The following FLYWCH2 variants were observed in gnomAD, a reference collection of about 807,000 sequenced individuals.
FLYWCH2 encodes FLYWCH family member 2.
FLYWCH2 carries 2 observed loss-of-function variants against 6.0 expected under a neutral mutation model. That is an observed-to-expected ratio of 0.33 (90% CI 0.14 to 1.04). The LOEUF is 1.04. Among genes scored for constraint, FLYWCH2 ranks in the 50% least tolerant of loss-of-function variants. The pLI is 0.45. For synonymous variants in FLYWCH2, 87 were observed against 79.3 expected, an observed-to-expected ratio of 1.10 and a Z score of -0.52; for missense variants, 192 against 183.4, an observed-to-expected ratio of 1.05 and a Z score of -0.27.
At chr16:2,888,249 A>G (rs946051571) in intron 1 of FLYWCH2, among the ~76,000 whole-genome samples, 7 of 151,952 alleles carry the variant, frequency 4.6e-5, no homozygotes, top group African/African-American at 1.7e-4. Flanking sequence ...AGTTCAGGCA[A>G]TCCACCCACC....
rs1063677 is a variant in FLYWCH2 at position 2,895,247 on chromosome 16, G to C, written c.-172G>C. 81,877 of 152,194 alleles carry C rather than the reference G, an allele frequency of 0.54. 22,563 individuals are homozygous for C. Among genetic ancestry groups the C allele is most frequent in the African/African-American group, 0.6 (24,856 of 41,492 alleles). 9.4% of individuals were successfully genotyped at this position (152,194 alleles called of 1,614,324 possible). ...CAGAAGCCAAGGAGTCCTCAGTGAC[G>C]GTGGGATCCACAACATCTCCACATC... On this transcript the variant is annotated 5_prime_UTR_variant, in exon 2 of 4. Coordinates refer to ENST00000396958, the MANE Select transcript of FLYWCH2 (RefSeq NM_138439.3).
chr16:2,896,447 G>C lies in FLYWCH2; in HGVS notation c.-3G>C, dbSNP rs771245046. 1 of 1,608,600 alleles carries C rather than the reference G, an allele frequency of 6.2e-7. No individual in the cohort carries two copies. The highest frequency in any genetic ancestry group is 8.5e-7 in the Non-Finnish European group (1 of 1,177,220). ...GCCTGAGGGACAGGCCCTGGGTCCC[G>C]GGATGCCCCTGCCCGAGCCCAGCGA... On this transcript the variant is annotated 5_prime_UTR_variant, in exon 3 of 4. Coordinates refer to ENST00000396958, the MANE Select transcript of FLYWCH2 (RefSeq NM_138439.3).
In FLYWCH2 at chr16:2,895,201, A is replaced by G. The variant is rs2069804791; in HGVS notation, c.-199-19A>G. On this transcript the variant is annotated intron_variant, in intron 1 of 3. Coordinates refer to ENST00000396958, the MANE Select transcript of FLYWCH2 (RefSeq NM_138439.3). Reference sequence around the variant, plus strand: ...ACTTGCCCCTACAGGGTTACAACCCATCCTTTCTGCTTCTCCAGGCCAGAA... The same window carrying G: ...ACTTGCCCCTACAGGGTTACAACCCGTCCTTTCTGCTTCTCCAGGCCAGAA... 1 of 152,272 alleles carries G rather than the reference A, an allele frequency of 6.6e-6. No individual in the cohort carries two copies. Among genetic ancestry groups the G allele is most frequent in the Non-Finnish European group, 1.5e-5 (1 of 68,144 alleles). The allele number at this position is 152,272 out of a possible 1,614,324, so 9.4% of individuals were successfully genotyped here.
rs1423831458 is a variant in FLYWCH2 at position 2,883,367 on chromosome 16, G to C, written c.-200+1G>C. The C allele has an allele frequency of 1.3e-5, 2 of 152,312 alleles. No homozygotes were observed. The highest frequency in any genetic ancestry group is 2.4e-5 in the African/African-American group (1 of 41,474). The allele number at this position is 152,312 out of a possible 1,614,324, so 9.4% of individuals were successfully genotyped here. A position where few individuals can be genotyped will look rare whatever the true frequency, so the allele number is the denominator to read the frequency against. ...GAGAGGGAGGGCACCGCTGTCGTCG[G>C]TGAGGACGGGCCCTGGCGGGCGGGG... On this transcript the variant is annotated splice_donor_variant, in intron 1 of 3. Transcript: ENST00000396958. LOFTEE classifies it low-confidence loss of function (5UTR_SPLICE).
Position 2,899,205 on chromosome 16 carries a change from G to A in FLYWCH2, c.*56G>A, listed in dbSNP as rs1209957961. 4.6e-6 allele frequency: 6 copies of A among 1,305,126 alleles called. No individual in the cohort carries two copies. The highest frequency in any genetic ancestry group is 6.4e-6 in the Non-Finnish European group (6 of 942,014). The allele number at this position is 1,305,126 out of a possible 1,614,324, so 80.8% of individuals were successfully genotyped here. On this transcript the variant is annotated 3_prime_UTR_variant, in exon 4 of 4. Coordinates refer to ENST00000396958, the MANE Select transcript of FLYWCH2 (RefSeq NM_138439.3). ...CCAACCCAGCCATAGGCTCTTCTCTGTCCGCAGGGCTTCTGGGGCCAAATG... is the reference window on the plus strand; with the variant it reads ...CCAACCCAGCCATAGGCTCTTCTCTATCCGCAGGGCTTCTGGGGCCAAATG...
At chr16:2,889,050 A>G (rs1417910034) in intron 1 of FLYWCH2, among the ~76,000 whole-genome samples, 2 of 152,040 alleles carry the variant, frequency 1.3e-5, no homozygotes, top group Non-Finnish European at 2.9e-5. Flanking sequence ...GTTTTTCCAG[A>G]ACGCATAAAA....
chr16:2,898,069 C>T (rs752217914), intron 3 of FLYWCH2, among the ~76,000 whole-genome samples: 2 of 152,178 alleles, frequency 1.3e-5, no homozygotes, highest in Non-Finnish European at 2.9e-5. Context: ...GCTGGCCGTG[C>T]AGGGACCCTG....
At chr16:2,897,203 A>G (rs1211723990) in intron 3 of FLYWCH2, among the ~76,000 whole-genome samples, 1 of 152,088 alleles carries the variant, frequency 6.6e-6, no homozygotes, top group Non-Finnish European at 1.5e-5. Flanking sequence ...AGTAACATCC[A>G]CTGAACAGCA....
At chr16:2,893,634 CTT>C (rs35147234) in intron 1 of FLYWCH2, among the ~76,000 whole-genome samples, 13,554 of 112,162 alleles carry the variant, frequency 0.12, 590 homozygotes, top group African/African-American at 0.17. Context: ...TTCTTTTCTT[CTT>C]TTTTTTTTTT....
intron 1 of FLYWCH2, among the ~76,000 whole-genome samples, chr16:2,886,392 G>C (rs1203628041): frequency 1.3e-5 from 2 of 151,148 alleles, no homozygotes; most frequent in African/African-American, 4.9e-5. Context: ...ATTTTTAGTA[G>C]AGACAGGGTT....
rs767512720 is a variant in FLYWCH2, at chr16:2,896,482, T to C, written c.33T>C (p.Gly11=). 1.1e-5 allele frequency: 17 copies of C among 1,613,108 alleles called. No homozygotes were observed. In the South Asian group the frequency reaches 1.6e-4, roughly 16 times the overall value. The part of the protein sequence containing the change: MPLPEPSEQE[G]ESVKASQEPS... ...TGCCCGAGCCCAGCGAGCAGGAGGG[T>C]GAGAGTGTGAAGGCCAGCCAGGAGC... Residue 11 remains glycine, a synonymous_variant, in exon 3 of 4, where the codon GGT becomes GGC. Coordinates refer to ENST00000396958, the MANE Select transcript of FLYWCH2 (RefSeq NM_138439.3).
chr16:2,889,503 C>A (rs2067112697), intron 1 of FLYWCH2, among the ~76,000 whole-genome samples: 1 of 151,488 alleles, frequency 6.6e-6, no homozygotes, highest in Admixed American at 6.6e-5. Flanking sequence ...AGCCACTGCG[C>A]CCGGCCAACC....
intron 1 of FLYWCH2, among the ~76,000 whole-genome samples, chr16:2,884,302 C>T (rs954426200): frequency 6.6e-5 from 10 of 152,004 alleles, no homozygotes; most frequent in African/African-American, 9.7e-5. Flanking sequence ...CTCCCCCGTG[C>T]GTATGAAGAT....
At chr16:2,896,859 C>T (rs749214370) in intron 3 of FLYWCH2, 88 bp downstream of exon 3, 8 of 1,248,448 alleles carry the variant, frequency 6.4e-6, no homozygotes, top group African/African-American at 4.5e-5. Flanking sequence ...GCGCTTCTCC[C>T]TGGCATGCGG....
At chr16:2,891,760 G>T (rs1343124745) in intron 1 of FLYWCH2, among the ~76,000 whole-genome samples, 1 of 151,744 alleles carries the variant, frequency 6.6e-6, no homozygotes, top group African/African-American at 2.4e-5. Context: ...GTCTCGCTAT[G>T]TTGCCCAGGC....
intron 1 of FLYWCH2, among the ~76,000 whole-genome samples, chr16:2,887,579 A>T (rs115613405): frequency 0.019 from 2,806 of 150,898 alleles, 29 homozygotes; most frequent in African/African-American, 0.029. Context: ...TATTATTATT[A>T]TTATTTTTTG....
chr16:2,887,342 G>GTTT (rs2069710533), intron 1 of FLYWCH2, among the ~76,000 whole-genome samples: 539 of 133,024 alleles, frequency 4.1e-3, no homozygotes, highest in South Asian at 8.2e-3. Context: ...TGTATTTTTA[G>GTTT]TAGAGATGAG....
intron 3 of FLYWCH2, among the ~76,000 whole-genome samples, chr16:2,897,638 C>G (rs1334339505): frequency 6.6e-6 from 1 of 152,206 alleles, no homozygotes; most frequent in East Asian, 1.9e-4. Context: ...CAGGGCTGCC[C>G]CTTTCCCTGC....
intron 3 of FLYWCH2, 64 bp from the exon 4 acceptor site, chr16:2,898,984 CA>C (rs1008451387): frequency 5.9e-6 from 8 of 1,363,040 alleles, no homozygotes; most frequent in African/African-American, 1.5e-5. Flanking sequence ...GGTAGACCCC[CA>C]ACAGCCAAGC....
Sources: allele counts gnomAD v4.1 joint callset (sites outside exome capture counted in the v4.1 genomes callset), GRCh38; gene constraint gnomAD v4.1.1; transcripts MANE v1.5; gene names NCBI Gene and HGNC (gene_info 2026-07-23, HGNC 2026-07-21).